Variants in USP28 observed in about 807,000 individuals in gnomAD.
USP28 encodes ubiquitin specific peptidase 28.
A neutral mutation model predicts 145.0 loss-of-function variants in USP28; 113 were observed. The ratio of observed to expected loss-of-function variants is 0.78; its 90% CI spans 0.67 to 0.91. The LOEUF is 0.91. USP28 is among the 40% of genes least tolerant of loss of function. The pLI is 0.00. For synonymous variants in USP28, 447 were observed against 450.9 expected, an observed-to-expected ratio of 0.99 and a Z score of 0.11; for missense variants, 1,201 against 1,289.6, an observed-to-expected ratio of 0.93 and a Z score of 1.05.
exon 25 of USP28, chr11:113,798,196 CT>C (rs904800184): frequency 2.0e-5 from 3 of 149,174 alleles, no homozygotes; most frequent in Admixed American, 6.9e-5. Flanking sequence ...AGATAGATCA[CT>C]TGAGGCCAGG....
At chr11:113,803,726 T>C in intron 22 of USP28, 72 bp downstream of exon 23, 1 of 1,241,804 alleles carries the variant, frequency 8.1e-7, no homozygotes, top group South Asian at 1.3e-5. Flanking sequence ...TGACTCTTAG[T>C]ATTCCCAGGT....
At chr11:113,815,105 T>G (rs1056575449) in intron 14 of USP28, 69 bp downstream of exon 14, 8 of 1,373,448 alleles carry the variant, frequency 5.8e-6, no homozygotes, top group Non-Finnish European at 8.1e-6. Flanking sequence ...TGTACCGAGG[T>G]GCTTAACCTC....
chr11:113,844,980 C>T (rs766096796), intron 3 of USP28, among the ~76,000 whole-genome samples: 14 of 151,712 alleles, frequency 9.2e-5, no homozygotes, highest in Non-Finnish European at 1.9e-4. Context: ...AATATCTGGG[C>T]ATGGTGGTGT....
chr11:113,872,203 C>G (rs940376313), intron 1 of USP28, among the ~76,000 whole-genome samples: 1 of 152,152 alleles, frequency 6.6e-6, no homozygotes, highest in Non-Finnish European at 1.5e-5. Flanking sequence ...GAGATCTCGC[C>G]TGGTAAGATG....
intron 3 of USP28, among the ~76,000 whole-genome samples, chr11:113,843,948 T>C (rs1945518402): frequency 6.6e-6 from 1 of 152,108 alleles, no homozygotes; most frequent in African/African-American, 2.4e-5. Context: ...AACCCCTACC[T>C]AGCCCCACAT....
chr11:113,808,188 A>G, intron 18 of USP28, 52 bp from the exon 19 acceptor site: 1 of 1,531,828 alleles, frequency 6.5e-7, no homozygotes, highest in Non-Finnish European at 8.7e-7. Flanking sequence ...AGAAATAAAT[A>G]GGGGTTGGTT....
chr11:113,799,830 G>A (rs1260149011), intron 24 of USP28, among the ~76,000 whole-genome samples: 1 of 151,996 alleles, frequency 6.6e-6, no homozygotes, highest in Non-Finnish European at 1.5e-5. Flanking sequence ...AGCTGATGAG[G>A]TTAAAAAAAA....
Position 113,805,211 on chromosome 11 carries a change from A to G in USP28, c.2401-165T>C, listed in dbSNP as rs112184661. Among the ~76,000 whole-genome samples the G allele has an allele frequency of 9.4e-3, 1,437 of 152,122 alleles. 26 individuals carry two copies. Among genetic ancestry groups the G allele is most frequent in the African/African-American group, 0.033 (1,349 of 41,486 alleles). On this transcript the variant is annotated intron_variant, in intron 19 of 24. Coordinates refer to ENST00000003302, the Ensembl canonical transcript of USP28. ...GGAATTTTTAAGTTTCTTGCATTTC[A>G]TAAGGGATGAAACTCTTTTAGCATT... is the stretch of plus-strand genomic sequence containing the variant.
chr11:113,799,100 A>T, exon 25 of USP28: 1 of 919,818 alleles, frequency 1.1e-6, no homozygotes, highest in Non-Finnish European at 1.6e-6. Context: ...ATCCTTCTTT[A>T]CACATGCAGC....
At chr11:113,809,551 C>G (rs1220829188) in intron 16 of USP28, among the ~76,000 whole-genome samples, 1 of 152,232 alleles carries the variant, frequency 6.6e-6, no homozygotes, top group Non-Finnish European at 1.5e-5. Context: ...GCATTCCCTT[C>G]CAGCATCATG....
At chr11:113,807,738 T>C (rs1035583378) in intron 18 of USP28, among the ~76,000 whole-genome samples, 29 of 152,168 alleles carry the variant, frequency 1.9e-4, no homozygotes, top group Admixed American at 1.3e-3. Context: ...AGTATAAGCC[T>C]GGGTAGATAT....
chr11:113,827,985 A>G (rs930497371), intron 10 of USP28, among the ~76,000 whole-genome samples: 2 of 152,178 alleles, frequency 1.3e-5, no homozygotes, highest in Non-Finnish European at 2.9e-5. Context: ...AAATCAACCT[A>G]CGATGTTACT....
At chr11:113,846,389 T>C (rs1173151384) in intron 3 of USP28, among the ~76,000 whole-genome samples, 1 of 152,206 alleles carries the variant, frequency 6.6e-6, no homozygotes, top group Non-Finnish European at 1.5e-5. Context: ...AGACAGATAT[T>C]ATGCCAAATT....
rs528602750 is a variant in USP28 at position 113,836,002 on chromosome 11, CTG to C, written c.535-1669_535-1668del. On this transcript the variant is annotated intron_variant, in intron 5 of 24. Coordinates refer to ENST00000003302, the Ensembl canonical transcript of USP28. ...CTGAGGCAGGAGAATCGCTTGAACC[CTG>C]GAGGCAGAGGTTGCCGTGAGCCGAG... is the stretch of plus-strand genomic sequence containing the variant. Among the ~76,000 whole-genome samples the C allele has an allele frequency of 3.3e-5, 5 of 152,232 alleles. No homozygotes were observed. In the South Asian group the frequency reaches 1.0e-3, roughly 32 times the overall value.
intron 3 of USP28, among the ~76,000 whole-genome samples, chr11:113,843,734 A>T (rs1945490619): frequency 6.6e-6 from 1 of 152,030 alleles, no homozygotes; most frequent in African/African-American, 2.4e-5. Flanking sequence ...AAATATTACA[A>T]AACTGTAGTA....
exon 1 of USP28, chr11:113,875,510 C>G: frequency 3.4e-6 from 4 of 1,164,290 alleles, no homozygotes; most frequent in Non-Finnish European, 4.2e-6. Context: ...ATGGCCGAGG[C>G]GCCCAGCCGC....
chr11:113,874,655 T>C, intron 1 of USP28: 1 of 1,271,986 alleles, frequency 7.9e-7, no homozygotes, highest in Non-Finnish European at 1.0e-6. Context: ...GGTGTTAAGT[T>C]ATAACATTCC....
exon 14 of USP28, chr11:113,815,212 A>G: frequency 6.2e-7 from 1 of 1,614,228 alleles, no homozygotes; most frequent in Non-Finnish European, 8.5e-7. Flanking sequence ...CCATCTCTGA[A>G]GACAGGTCTT....
chr11:113,872,381 G>A (rs1948908957), intron 1 of USP28, among the ~76,000 whole-genome samples: 1 of 152,126 alleles, frequency 6.6e-6, no homozygotes, highest in Non-Finnish European at 1.5e-5. Flanking sequence ...CAGCTACTCA[G>A]GAGGCTGAGG....
Sources: allele counts gnomAD v4.1 joint callset (sites outside exome capture counted in the v4.1 genomes callset), GRCh38; gene constraint gnomAD v4.1.1; transcripts MANE v1.5; gene names NCBI Gene and HGNC (gene_info 2026-07-23, HGNC 2026-07-21).